PPARGC1A: variants seen among roughly 807,000 people sequenced by gnomAD.
PPARGC1A encodes the protein peroxisome proliferator-activated receptor gamma coactivator 1-alpha.
Under a neutral mutation model 88.7 loss-of-function variants are expected in PPARGC1A, and 25 were observed. The ratio of observed to expected loss-of-function variants is 0.28; its 90% confidence interval spans 0.21 to 0.39. The LOEUF (loss-of-function observed/expected upper bound fraction) is 0.39, where lower values mean the gene tolerates loss of function less well. Among genes scored for constraint, PPARGC1A ranks in the 10% least tolerant of loss-of-function variants. PPARGC1A has a pLI of 1.00. For missense variants in PPARGC1A, 880 were observed against 968.7 expected (o/e 0.91, Z 1.22); for synonymous variants, 363 against 355.6 (o/e 1.02, Z -0.24).
chr4:24,031,496 G>A, the PPARGC1A span, among the ~76,000 whole-genome samples: 1 of 151,758 alleles, frequency 6.6e-6, no homozygotes, highest in Non-Finnish European at 1.5e-5. Context: ...TAAATTAACT[G>A]TGGACCTGAG....
the PPARGC1A span, among the ~76,000 whole-genome samples, chr4:23,947,057 T>A: frequency 8.6e-5 from 13 of 152,006 alleles, no homozygotes; most frequent in Non-Finnish European, 1.9e-4. Flanking sequence ...AATGTGACAA[T>A]TCTCTGTCTT....
chr4:23,899,850 C>G (rs1369565906), upstream of PPARGC1A, among the ~76,000 whole-genome samples: 1 of 152,160 alleles, frequency 6.6e-6, no homozygotes, highest in African/African-American at 2.4e-5. Flanking sequence ...GCTGTCTGTG[C>G]TGGTTACATG....
At chr4:23,835,420 C>A (rs1725826646) in intron 2 of PPARGC1A, among the ~76,000 whole-genome samples, 2 of 151,516 alleles carry the variant, frequency 1.3e-5, no homozygotes, top group Admixed American at 1.3e-4. Flanking sequence ...CTACTGGAAA[C>A]ACAATGAGAG....
the PPARGC1A span, among the ~76,000 whole-genome samples, chr4:24,467,229 C>A: frequency 6.6e-6 from 1 of 152,106 alleles, no homozygotes; most frequent in South Asian, 2.1e-4. Context: ...CTCTCCTATA[C>A]CCCTAGGAGA....
the PPARGC1A span, among the ~76,000 whole-genome samples, chr4:24,470,469 G>A: frequency 6.6e-6 from 1 of 152,086 alleles, no homozygotes; most frequent in Non-Finnish European, 1.5e-5. The surrounding 1 kb of genome is among the most constrained non-coding windows in gnomAD (Gnocchi z 5.8). Context: ...GGGCAGGATA[G>A]CCTGAAGGAA....
chr4:24,196,058 C>T, the PPARGC1A span, among the ~76,000 whole-genome samples: 6 of 152,222 alleles, frequency 3.9e-5, no homozygotes, highest in African/African-American at 1.4e-4. Flanking sequence ...TGATTTCTCA[C>T]TTTCAGTGCT....
chr4:24,151,894 T>G, the PPARGC1A span, among the ~76,000 whole-genome samples: 3 of 152,196 alleles, frequency 2.0e-5, no homozygotes, highest in African/African-American at 7.2e-5. Context: ...AATTGAATAG[T>G]AGTTGAAATA....
intron 2 of PPARGC1A, among the ~76,000 whole-genome samples, chr4:23,866,546 G>C (rs1321732437): frequency 6.6e-6 from 1 of 152,120 alleles, no homozygotes; most frequent in African/African-American, 2.4e-5. Flanking sequence ...GTTTGTTTTA[G>C]CTATCTCTCT....
At position 23,795,658 on chromosome 4, in the gene PPARGC1A, G is replaced by T; in HGVS notation, c.*164C>A. On this transcript the variant is annotated 3_prime_UTR_variant, in exon 13 of 13. Transcript: ENST00000264867. Reference sequence around the variant, plus strand: ...GTTCATGTAAACCATTGTTGTTATTGTTGTTGTTGTTCTTGTTGTATTGTT... The same window carrying T: ...GTTCATGTAAACCATTGTTGTTATTTTTGTTGTTGTTCTTGTTGTATTGTT... 1 of 553,972 alleles carries T rather than the reference G, an allele frequency of 1.8e-6. No homozygotes were observed. Among genetic ancestry groups the T allele is most frequent in the South Asian group, 2.3e-5 (1 of 42,916 alleles). 34.3% of individuals were successfully genotyped at this position (553,972 alleles called of 1,614,324 possible).
chr4:23,924,585 G>A, the PPARGC1A span, among the ~76,000 whole-genome samples: 11 of 152,130 alleles, frequency 7.2e-5, no homozygotes, highest in Non-Finnish European at 1.5e-4. Context: ...TCACACCACC[G>A]CACTCCAGCC....
chr4:24,291,328 G>A, the PPARGC1A span, among the ~76,000 whole-genome samples: 2 of 152,054 alleles, frequency 1.3e-5, no homozygotes, highest in African/African-American at 4.8e-5. Flanking sequence ...CCTCATTTTG[G>A]TTTTGTAGTG....
the PPARGC1A span, among the ~76,000 whole-genome samples, chr4:24,082,166 CT>C: frequency 6.6e-6 from 1 of 152,180 alleles, no homozygotes; most frequent in Non-Finnish European, 1.5e-5. Context: ...GTTCAAAGCC[CT>C]TGCGGCAGCA....
chr4:24,443,843 C>T, the PPARGC1A span, among the ~76,000 whole-genome samples: 3 of 148,220 alleles, frequency 2.0e-5, no homozygotes, highest in Admixed American at 6.7e-5. Context: ...CTTGAGCCAC[C>T]GCGCCTGGCC....
At chr4:24,196,483 C>T in the PPARGC1A span, among the ~76,000 whole-genome samples, 3 of 152,232 alleles carry the variant, frequency 2.0e-5, no homozygotes, top group East Asian at 1.9e-4. Flanking sequence ...ATAACAATTA[C>T]CCAAGATAAG....
At chr4:24,222,105 G>A in the PPARGC1A span, among the ~76,000 whole-genome samples, 1 of 152,180 alleles carries the variant, frequency 6.6e-6, no homozygotes, top group Non-Finnish European at 1.5e-5. Flanking sequence ...CATGATGTTT[G>A]ACTCTGGGCT....
chr4:24,370,412 A>G, the PPARGC1A span, among the ~76,000 whole-genome samples: 1 of 152,230 alleles, frequency 6.6e-6, no homozygotes, highest in African/African-American at 2.4e-5. Flanking sequence ...ATAGATAGAT[A>G]TGACACATAA....
the PPARGC1A span, among the ~76,000 whole-genome samples, chr4:24,321,856 T>C: frequency 4.6e-5 from 7 of 152,344 alleles, no homozygotes; most frequent in East Asian, 1.4e-3. Flanking sequence ...AGGATGCCTA[T>C]TAGAATTCTT....
the PPARGC1A span, among the ~76,000 whole-genome samples, chr4:24,451,781 T>C: frequency 5.2e-4 from 79 of 152,298 alleles, no homozygotes; most frequent in Non-Finnish European, 9.3e-4. Flanking sequence ...TTTCACCACG[T>C]TGGCCAGGAT....
chr4:24,075,005 C>T, the PPARGC1A span, among the ~76,000 whole-genome samples: 1 of 152,108 alleles, frequency 6.6e-6, no homozygotes, highest in Non-Finnish European at 1.5e-5. Context: ...GCATCTCCAG[C>T]CCTCCCTTCA....
Sources: allele counts gnomAD v4.1 joint callset (sites outside exome capture counted in the v4.1 genomes callset), GRCh38; gene constraint gnomAD v4.1.1; non-coding constraint Gnocchi (gnomAD v3.1); transcripts MANE v1.5; gene names NCBI Gene and HGNC (gene_info 2026-07-23, HGNC 2026-07-21).